ANKH: variants seen among roughly 807,000 people sequenced by gnomAD.
The protein encoded by ANKH is ANKH inorganic pyrophosphate transport regulator.
In ANKH, 15 loss-of-function variants were observed where a neutral mutation model predicts 49.0. That is an observed-to-expected ratio of 0.31 (90% CI 0.20 to 0.47). ANKH has a LOEUF of 0.47. ANKH is among the 20% of genes least tolerant of loss of function. ANKH has a pLI of 1.00. For synonymous variants in ANKH, 273 were observed against 260.0 expected (o/e 1.05, Z -0.48); for missense variants, 429 against 652.0 (o/e 0.66, Z 3.72).
intron 1 of ANKH, among the ~76,000 whole-genome samples, chr5:14,779,511 C>T (rs926023420): frequency 1.3e-5 from 2 of 152,220 alleles, no homozygotes; most frequent in Middle Eastern, 3.2e-3. Context: ...CAGTCTGTTA[C>T]CTCCTTGAGG....
intron 1 of ANKH, among the ~76,000 whole-genome samples, chr5:14,836,584 G>A (rs75828616): frequency 0.25 from 38,412 of 152,054 alleles, 5,142 homozygotes; most frequent in Admixed American, 0.33. Flanking sequence ...CCTCTTCAAG[G>A]AGGACTACAA....
chr5:14,805,784 AT>A (rs1740694390), intron 1 of ANKH, among the ~76,000 whole-genome samples: 1 of 152,018 alleles, frequency 6.6e-6, no homozygotes, highest in African/African-American at 2.4e-5. Flanking sequence ...CTGCAGAGAC[AT>A]TCACCTTCCC....
Position 14,718,734 on chromosome 5 carries a change from C to T in ANKH, c.1012-1899G>A, listed in dbSNP as rs374903938. Among the ~76,000 whole-genome samples, 93 of 150,880 alleles carry T rather than the reference C, an allele frequency of 6.2e-4. No homozygotes were observed. In the South Asian group the frequency reaches 8.7e-3, roughly 14 times the overall value. On this transcript the variant is annotated intron_variant, in intron 8 of 11. Coordinates refer to ENST00000284268, the MANE Select transcript of ANKH (RefSeq NM_054027.6). ...CTGAGGCAGGAGAATCGCTTGAACC[C>T]GGGAGACGGAGGTTGTGGTGAGCTG...
Position 14,812,214 on chromosome 5 carries a change from CAAATT to C in ANKH, c.97-43028_97-43024del, listed in dbSNP as rs1253309887. On this transcript the variant is annotated intron_variant, in intron 1 of 11. Transcript: ENST00000284268. ...TTCCCTTTAAGGGTTAATGCTTTCT[CAAATT>C]AAAACCAAAACCCCAAACTTATTAT... Among the ~76,000 whole-genome samples the C allele has an allele frequency of 1.3e-4, 19 of 150,172 alleles. No individual in the cohort carries two copies. The East Asian group carries it at 3.5e-3, about 28-fold the overall frequency.
intron 8 of ANKH, among the ~76,000 whole-genome samples, chr5:14,723,360 A>AG (rs1737728600): frequency 6.6e-6 from 1 of 151,058 alleles, no homozygotes. Context: ...TTTTTTTAAA[A>AG]AAAAAAAAGT....
intron 1 of ANKH, among the ~76,000 whole-genome samples, chr5:14,799,535 A>T (rs567126815): frequency 2.6e-5 from 4 of 152,328 alleles, no homozygotes; most frequent in African/African-American, 9.6e-5. Flanking sequence ...CAGGTGGCGA[A>T]CTTAAGCTGA....
intron 1 of ANKH, among the ~76,000 whole-genome samples, chr5:14,852,723 C>A (rs1742151255): frequency 1.3e-5 from 2 of 152,076 alleles, no homozygotes; most frequent in Admixed American, 6.5e-5. Flanking sequence ...GTTACAGGCA[C>A]AACTTTCTAT....
At chr5:14,865,998 C>A (rs1351417878) in intron 1 of ANKH, among the ~76,000 whole-genome samples, 1 of 152,178 alleles carries the variant, frequency 6.6e-6, no homozygotes, top group Non-Finnish European at 1.5e-5. Context: ...TTAGACCCAA[C>A]CAAATTCAGT....
rs183660072 is a variant in ANKH at position 14,848,087 on chromosome 5, C to G, written c.96+23265G>C. ...CCCAGGAGGCAGAGGTTGCAGTGAGCTGAGACTGTGCCACTACACTCCAGC... is the reference window on the plus strand; with the variant it reads ...CCCAGGAGGCAGAGGTTGCAGTGAGGTGAGACTGTGCCACTACACTCCAGC... On this transcript the variant is annotated intron_variant, in intron 1 of 11. Coordinates refer to ENST00000284268, the MANE Select transcript of ANKH (RefSeq NM_054027.6). Among the ~76,000 whole-genome samples, 481 of 152,340 alleles carry G rather than the reference C, an allele frequency of 3.2e-3. 1 individual carries two copies. Among genetic ancestry groups the G allele is most frequent in the Non-Finnish European group, 4.8e-3 (327 of 68,028 alleles).
At chr5:14,749,417 T>C in intron 5 of ANKH, 111 bp from the exon 6 acceptor site, 1 of 1,190,926 alleles carries the variant, frequency 8.4e-7, no homozygotes, top group East Asian at 2.4e-5. Context: ...CAATTCACTA[T>C]ACTTGAAAGT....
intron 1 of ANKH, among the ~76,000 whole-genome samples, chr5:14,865,669 A>T (rs1561090601): frequency 6.6e-6 from 1 of 152,194 alleles, no homozygotes; most frequent in Non-Finnish European, 1.5e-5. Flanking sequence ...TGTTGAAGCC[A>T]GTGCCATATA....
rs187360059 is a variant in ANKH at position 14,842,453 on chromosome 5, T to C, written c.96+28899A>G. ...GGCAATGTCTTATGGAGTCCTAGGA[T>C]AGTCCTGGTTACTCAGTTTTGGAGA... On this transcript the variant is annotated intron_variant, in intron 1 of 11. Transcript: ENST00000284268. Among the ~76,000 whole-genome samples the C allele has an allele frequency of 7.2e-5, 11 of 152,266 alleles. No homozygotes were observed. In the East Asian group the frequency reaches 2.1e-3, roughly 29 times the overall value.
chr5:14,755,294 C>G (rs1380949727), intron 4 of ANKH, among the ~76,000 whole-genome samples: 2 of 152,130 alleles, frequency 1.3e-5, no homozygotes, highest in African/African-American at 4.8e-5. Flanking sequence ...GAGAATTGGA[C>G]CCAACAGAAA....
At chr5:14,845,367 T>TATATATATATATATA (rs201739117) in intron 1 of ANKH, among the ~76,000 whole-genome samples, 120 of 83,318 alleles carry the variant, frequency 1.4e-3, no homozygotes, top group African/African-American at 2.6e-3. Flanking sequence ...TATATATATA[T>TATATATATATATATA]TTTTTTTTTT....
At chr5:14,818,928 A>G (rs564745371) in intron 1 of ANKH, among the ~76,000 whole-genome samples, 14 of 152,320 alleles carry the variant, frequency 9.2e-5, no homozygotes, top group African/African-American at 3.4e-4. Flanking sequence ...CTGAAGAGCT[A>G]CTTTTGAAAA....
intron 1 of ANKH, among the ~76,000 whole-genome samples, chr5:14,796,145 A>C (rs1580075123): frequency 6.7e-6 from 1 of 150,194 alleles, no homozygotes; most frequent in Non-Finnish European, 1.5e-5. Flanking sequence ...ATTGAGCTTC[A>C]TTTTCTTGTG....
chr5:14,822,410 C>A (rs1383799792), intron 1 of ANKH, among the ~76,000 whole-genome samples: 1 of 152,140 alleles, frequency 6.6e-6, no homozygotes, highest in Non-Finnish European at 1.5e-5. Context: ...TGAGACACTT[C>A]TTTGGAGGAG....
At chr5:14,856,551 T>C (rs1348472685) in intron 1 of ANKH, among the ~76,000 whole-genome samples, 1 of 151,862 alleles carries the variant, frequency 6.6e-6, no homozygotes, top group Non-Finnish European at 1.5e-5. Context: ...CTTGCCCCAT[T>C]GATACTGGGA....
At chr5:14,846,214 G>C (rs545858691) in intron 1 of ANKH, among the ~76,000 whole-genome samples, 1 of 152,244 alleles carries the variant, frequency 6.6e-6, no homozygotes, top group East Asian at 1.9e-4. Flanking sequence ...TGGTAAATAT[G>C]CATAAGGCAG....
Sources: gnomAD v4.1 joint callset for allele counts (sites outside exome capture counted in the v4.1 genomes callset) on GRCh38, gnomAD v4.1.1 for gene constraint, MANE v1.5 for transcripts, NCBI Gene and HGNC (gene_info 2026-07-23, HGNC 2026-07-21) for gene names.